Variants in STIM1 observed in about 807,000 individuals in gnomAD.
STIM1 encodes the protein stromal interaction molecule 1.
Under a neutral mutation model 74.7 loss-of-function variants are expected in STIM1, and 25 were observed. The ratio of observed to expected loss-of-function variants is 0.33; its 90% CI spans 0.24 to 0.47. The LOEUF (loss-of-function observed/expected upper bound fraction) is 0.47, where lower values mean the gene tolerates loss of function less well. Among genes scored for constraint, STIM1 ranks in the 20% least tolerant of loss-of-function variants. The pLI is 1.00. For missense variants in STIM1, 728 were observed against 920.8 expected (o/e 0.79, Z 2.71); for synonymous variants, 328 against 348.8 (o/e 0.94, Z 0.66).
chr11:3,984,166 T>C (rs1240210932), intron 2 of STIM1, among the ~76,000 whole-genome samples: 11 of 152,168 alleles, frequency 7.2e-5, no homozygotes, highest in African/African-American at 2.4e-4. Flanking sequence ...GTGTCCAGCC[T>C]CTTTCTCCTT....
At chr11:4,003,977 A>G (rs1189878366) in intron 2 of STIM1, among the ~76,000 whole-genome samples, 2 of 152,184 alleles carry the variant, frequency 1.3e-5, no homozygotes, top group African/African-American at 2.4e-5. Flanking sequence ...TCATGAGTGA[A>G]CTCCCATTTG....
chr11:3,979,135 C>T (rs2093477412), intron 2 of STIM1, among the ~76,000 whole-genome samples: 1 of 151,992 alleles, frequency 6.6e-6, no homozygotes, highest in Non-Finnish European at 1.5e-5. Context: ...TTAATATGGG[C>T]CAAATTAGAT....
chr11:3,999,898 G>T (rs1240791422), intron 2 of STIM1, among the ~76,000 whole-genome samples: 1 of 152,130 alleles, frequency 6.6e-6, no homozygotes, highest in South Asian at 2.1e-4. Context: ...GCACTTTTCC[G>T]ACGGGCTTAG....
intron 1 of STIM1, among the ~76,000 whole-genome samples, chr11:3,960,797 A>T (rs1225765479): frequency 2.0e-5 from 3 of 152,230 alleles, no homozygotes; most frequent in Non-Finnish European, 4.4e-5. Context: ...TAGCTATAAG[A>T]TTATGTCTGT....
intron 1 of STIM1, among the ~76,000 whole-genome samples, chr11:3,937,276 G>A (rs2092944195): frequency 3.4e-5 from 4 of 118,564 alleles, no homozygotes; most frequent in Non-Finnish European, 6.7e-5. Context: ...GGGCAACAGA[G>A]CGAGACTTCA....
At chr11:4,086,444 C>A (rs369726885) in intron 11 of STIM1, 33 bp from the exon 12 acceptor site, 14 of 1,611,238 alleles carry the variant, frequency 8.7e-6, no homozygotes, top group African/African-American at 1.3e-5. Context: ...AGTGGGCTGG[C>A]CCCTCCTGAC....
At chr11:3,895,703 TTTCTTTC>T (rs2092095186) in intron 1 of STIM1, among the ~76,000 whole-genome samples, 4 of 32,906 alleles carry the variant, frequency 1.2e-4, no homozygotes, top group African/African-American at 3.8e-4. Flanking sequence ...TCTTTCTTTC[TTTCTTTC>T]TTTCTTTCTT....
chr11:4,069,964 A>C (rs2094393383), intron 5 of STIM1, 62 bp from the exon 6 acceptor site: 1 of 1,566,474 alleles, frequency 6.4e-7, no homozygotes, highest in East Asian at 2.2e-5. Flanking sequence ...GATGCAGTGG[A>C]GTCTGCAAGG....
intron 8 of STIM1, 115 bp from the exon 9 acceptor site, chr11:4,082,767 T>C (rs1201474483): frequency 4.9e-6 from 4 of 815,362 alleles, no homozygotes; most frequent in South Asian, 1.5e-5. Flanking sequence ...TCCCTTTCCT[T>C]GTACAGCCTC....
intron 7 of STIM1, among the ~76,000 whole-genome samples, chr11:4,077,132 A>G (rs2094441926): frequency 6.6e-6 from 1 of 151,768 alleles, no homozygotes; most frequent in Non-Finnish European, 1.5e-5. Flanking sequence ...GAGTAGCTAT[A>G]TATTGATATA....
chr11:4,079,067 G>A (rs1025641635), intron 7 of STIM1, among the ~76,000 whole-genome samples: 15 of 151,380 alleles, frequency 9.9e-5, no homozygotes, highest in Middle Eastern at 6.9e-3. Context: ...CAAAGCGGGC[G>A]GATCATGAAG....
chr11:3,999,976 T>C (rs1590634486), intron 2 of STIM1, among the ~76,000 whole-genome samples: 2 of 152,206 alleles, frequency 1.3e-5, no homozygotes, highest in African/African-American at 4.8e-5. Context: ...GGAGTCTTGC[T>C]GATTGCTAGC....
chr11:4,073,962 A>T (rs916308067), intron 6 of STIM1, among the ~76,000 whole-genome samples: 2 of 152,092 alleles, frequency 1.3e-5, no homozygotes, highest in African/African-American at 4.8e-5. Context: ...CACCCCAGTC[A>T]TTTCTCAGCC....
intron 2 of STIM1, among the ~76,000 whole-genome samples, chr11:3,980,628 A>C (rs1473888490): frequency 6.7e-5 from 9 of 133,548 alleles, no homozygotes; most frequent in Non-Finnish European, 8.2e-5. Context: ...AAAAAAAAAA[A>C]CCCACACATT....
intron 1 of STIM1, among the ~76,000 whole-genome samples, chr11:3,917,230 G>T (rs527916585): frequency 6.6e-6 from 1 of 152,274 alleles, no homozygotes; most frequent in Admixed American, 6.5e-5. Context: ...ATGTAGTCAG[G>T]TAGCAAGTCT....
rs1169600270 is a variant in STIM1, at chr11:4,013,690, C to CTTTTT, written c.271-10155_271-10151dup. Among the ~76,000 whole-genome samples, 103 of 51,930 alleles carry CTTTTT rather than the reference C, an allele frequency of 2.0e-3. 13 individuals carry two copies. Among genetic ancestry groups the CTTTTT allele is most frequent in the African/African-American group, 3.0e-3 (32 of 10,518 alleles). 34.1% of individuals were successfully genotyped at this position (51,930 alleles called of 152,430 possible). ...AACCAGCTCCTGGATTCATTGATTT[C>CTTTTT]TTTTTTTTTTTTTTTTTTTTTTTTT... is the stretch of plus-strand genomic sequence containing the variant. On this transcript the variant is annotated intron_variant, in intron 2 of 12. Transcript: ENST00000526596.
intron 5 of STIM1, among the ~76,000 whole-genome samples, chr11:4,061,510 G>T (rs190243233): frequency 6.6e-5 from 10 of 152,174 alleles, no homozygotes; most frequent in South Asian, 6.2e-4. Flanking sequence ...GTTGGCGAGG[G>T]TATAGAGAAA....
At chr11:3,935,076 A>C (rs998975640) in intron 1 of STIM1, among the ~76,000 whole-genome samples, 1 of 151,984 alleles carries the variant, frequency 6.6e-6, no homozygotes, top group Non-Finnish European at 1.5e-5. Context: ...GCAATGAGAC[A>C]CTCCCCTCAT....
chr11:4,027,338 G>A (rs2094005871), intron 3 of STIM1, among the ~76,000 whole-genome samples: 1 of 151,912 alleles, frequency 6.6e-6, no homozygotes, highest in Non-Finnish European at 1.5e-5. Flanking sequence ...TTGAGACAGA[G>A]TCTCACTCTG....
Sources: gnomAD v4.1 joint callset for allele counts (sites outside exome capture counted in the v4.1 genomes callset) on GRCh38, gnomAD v4.1.1 for gene constraint, MANE v1.5 for transcripts, NCBI Gene and HGNC (gene_info 2026-07-23, HGNC 2026-07-21) for gene names.